RSU1: variants seen among roughly 807,000 people sequenced by gnomAD.
The protein encoded by RSU1 is rsu-1.
Under a neutral mutation model 31.1 loss-of-function variants are expected in RSU1, and 26 were observed. The ratio of observed to expected loss-of-function variants is 0.84; its 90% CI spans 0.61 to 1.16. The LOEUF (loss-of-function observed/expected upper bound fraction) is 1.16, where lower values mean the gene tolerates loss of function less well. Among genes scored for constraint, RSU1 ranks in the 50% most tolerant of loss-of-function variants. The probability of loss-of-function intolerance (pLI) is 0.00; values close to 1 mark genes in which losing one functional copy is unlikely to be tolerated. For synonymous variants in RSU1, 164 were observed against 136.3 expected (o/e 1.20, Z -1.41); for missense variants, 320 against 339.1 (o/e 0.94, Z 0.44).
intron 8 of RSU1, among the ~76,000 whole-genome samples, chr10:16,620,823 C>A (rs1162387370): frequency 2.7e-5 from 4 of 146,640 alleles, no homozygotes; most frequent in African/African-American, 1.0e-4. Flanking sequence ...CCAGCCTGGG[C>A]AACAGAGCGA....
In RSU1 at chr10:16,645,908, A is replaced by ATG. The variant is rs1491366706; in HGVS notation, c.731+49113_731+49114dup. ...TATACATATATGTATATACACATAT[A>ATG]TGTATATATATGTGTATATACACAT... On this transcript the variant is annotated intron_variant, in intron 8 of 8. Coordinates refer to ENST00000345264, the MANE Select transcript of RSU1 (RefSeq NM_012425.4). Among the ~76,000 whole-genome samples, 3 of 77,844 alleles carry ATG rather than the reference A, an allele frequency of 3.9e-5. 1 individual carries two copies. Among genetic ancestry groups the ATG allele is most frequent in the Non-Finnish European group, 6.6e-5 (3 of 45,450 alleles). 51.1% of individuals were successfully genotyped at this position (77,844 alleles called of 152,430 possible).
At chr10:16,797,797 G>A (rs1160461141) in intron 2 of RSU1, among the ~76,000 whole-genome samples, 1 of 146,930 alleles carries the variant, frequency 6.8e-6, no homozygotes, top group Non-Finnish European at 1.5e-5. Flanking sequence ...ACATATAAGA[G>A]CAAATAAACA....
chr10:16,670,571 C>T (rs1308496298), intron 8 of RSU1, among the ~76,000 whole-genome samples: 9 of 152,132 alleles, frequency 5.9e-5, no homozygotes, highest in Admixed American at 5.9e-4. Context: ...GTAAGTTCTA[C>T]CTCCAGCCTA....
At chr10:16,624,214 G>A (rs1190326761) in intron 8 of RSU1, among the ~76,000 whole-genome samples, 1 of 140,472 alleles carries the variant, frequency 7.1e-6, no homozygotes, top group African/African-American at 3.0e-5. Flanking sequence ...ACATGTGTGT[G>A]TGTGTCTGTA....
chr10:16,759,895 T>G (rs1837173626), intron 4 of RSU1, among the ~76,000 whole-genome samples: 1 of 134,126 alleles, frequency 7.5e-6, no homozygotes, highest in Non-Finnish European at 1.6e-5. Flanking sequence ...CACATACAAG[T>G]GGCTTCCCAT....
chr10:16,727,883 G>A (rs1018914661), intron 7 of RSU1, among the ~76,000 whole-genome samples: 2 of 152,116 alleles, frequency 1.3e-5, no homozygotes, highest in African/African-American at 4.8e-5. Context: ...AGCCGTGGGG[G>A]GCTAGAGGAG....
At chr10:16,666,923 G>A (rs759843850) in intron 8 of RSU1, among the ~76,000 whole-genome samples, 5 of 151,924 alleles carry the variant, frequency 3.3e-5, no homozygotes, top group South Asian at 2.1e-4. Flanking sequence ...CCAGCATTGC[G>A]GGGCGAAGGT....
intron 4 of RSU1, among the ~76,000 whole-genome samples, chr10:16,757,028 AGTGTGTGTGTG>A (rs1053823394): frequency 3.0e-4 from 43 of 141,000 alleles, no homozygotes; most frequent in Middle Eastern, 4.0e-3. Flanking sequence ...GTGTGTACGC[AGTGTGTGTGTG>A]GTGTGTGTGT....
In RSU1 at chr10:16,752,568, T is replaced by G. The variant is rs1013097734; in HGVS notation, c.569A>C (p.Asn190Thr). 1.9e-6 allele frequency: 3 copies of G among 1,613,976 alleles called. No homozygotes were observed. In the African/African-American group the frequency reaches 4.0e-5, roughly 22 times the overall value. Residue 190 changes from asparagine to threonine, a missense_variant, in exon 7 of 9, where the codon AAC (asparagine) becomes ACC (threonine). Asn to Thr is a moderately conservative substitution (Grantham distance 65). Transcript: ENST00000345264. ...TQLKELHIQG[N>T]RLTVLPPELG... ...TTCTGGGGGCAGAACGGTGAGGCGG[T>G]TCCCCTGAATGTGGAGCTCTTTAAG... is the stretch of plus-strand genomic sequence containing the variant.
At chr10:16,644,454 G>C (rs1242963868) in intron 8 of RSU1, among the ~76,000 whole-genome samples, 2 of 152,164 alleles carry the variant, frequency 1.3e-5, no homozygotes, top group East Asian at 3.8e-4. Context: ...GTGTTTTTCT[G>C]CACTATCTTA....
chr10:16,717,645 T>C lies in RSU1; in HGVS notation c.599-22490A>G, dbSNP rs1196696395. 2.0e-5 allele frequency among the ~76,000 whole-genome samples: 3 copies of C among 152,144 alleles called. 1 individual carries two copies. Among genetic ancestry groups the C allele is most frequent in the East Asian group, 3.8e-4 (2 of 5,204 alleles). ...CAAAAACAACATACCAAAGCTAATA[T>C]AAATAAAGGATGCCTTATTGTCTAG... On this transcript the variant is annotated intron_variant, in intron 7 of 8. Coordinates refer to ENST00000345264, the MANE Select transcript of RSU1 (RefSeq NM_012425.4).
chr10:16,773,995 G>A (rs1416293260), intron 3 of RSU1, among the ~76,000 whole-genome samples: 2 of 151,858 alleles, frequency 1.3e-5, no homozygotes, highest in African/African-American at 4.8e-5. Flanking sequence ...CAAAACGCAA[G>A]GTCAATGAGT....
At chr10:16,698,660 G>A (rs903669913) in intron 7 of RSU1, among the ~76,000 whole-genome samples, 1 of 152,138 alleles carries the variant, frequency 6.6e-6, no homozygotes, top group African/African-American at 2.4e-5. Context: ...CAGTGGAGAC[G>A]GCAGAGGCAT....
At chr10:16,766,336 C>A (rs1375385283) in intron 3 of RSU1, among the ~76,000 whole-genome samples, 1 of 152,240 alleles carries the variant, frequency 6.6e-6, no homozygotes, top group African/African-American at 2.4e-5. Context: ...AGTGTGGCTG[C>A]AAATGTACAT....
intron 8 of RSU1, among the ~76,000 whole-genome samples, chr10:16,609,647 C>G (rs1241748408): frequency 6.6e-6 from 1 of 152,204 alleles, no homozygotes; most frequent in Non-Finnish European, 1.5e-5. Context: ...AAATGTCAAC[C>G]AACCATGTTC....
intron 8 of RSU1, among the ~76,000 whole-genome samples, chr10:16,670,853 C>T (rs540725345): frequency 2.6e-5 from 4 of 152,278 alleles, no homozygotes; most frequent in African/African-American, 9.6e-5. Context: ...CAACCTCCAC[C>T]TCCCAGGTTC....
At chr10:16,776,923 T>A (rs181769228) in intron 3 of RSU1, among the ~76,000 whole-genome samples, 4 of 152,138 alleles carry the variant, frequency 2.6e-5, no homozygotes, top group East Asian at 1.9e-4. Flanking sequence ...TTATTTTTTT[T>A]TAATTTTTTT....
intron 2 of RSU1, among the ~76,000 whole-genome samples, chr10:16,808,406 C>T (rs1838322731): frequency 6.7e-6 from 1 of 150,270 alleles, no homozygotes; most frequent in Non-Finnish European, 1.5e-5. Flanking sequence ...ATCGCTGGAA[C>T]CTGGGAGGCG....
chr10:16,722,168 C>A (rs1564332146), intron 7 of RSU1, among the ~76,000 whole-genome samples: 2 of 152,150 alleles, frequency 1.3e-5, no homozygotes, highest in Non-Finnish European at 2.9e-5. Context: ...TATTGTTAAT[C>A]TCTTACTGTG....
Sources: allele counts gnomAD v4.1 joint callset (sites outside exome capture counted in the v4.1 genomes callset), GRCh38; gene constraint gnomAD v4.1.1; transcripts MANE v1.5; gene names NCBI Gene and HGNC (gene_info 2026-07-23, HGNC 2026-07-21).